Variants in SHC3 observed in about 807,000 individuals in gnomAD.
SHC3 encodes SHC adaptor protein 3.
A neutral mutation model predicts 60.4 loss-of-function variants in SHC3; 15 were observed. The observed-to-expected ratio is 0.25, with a 90% CI of 0.17 to 0.38. The LOEUF is 0.38. SHC3 is among the 10% of genes least tolerant of loss of function. The pLI is 1.00. For missense variants in SHC3, 677 were observed against 786.1 expected, an observed-to-expected ratio of 0.86 and a Z score of 1.66; for synonymous variants, 294 against 325.9, an observed-to-expected ratio of 0.90 and a Z score of 1.05.
chr9:89,062,111 T>C (rs1309435865), intron 6 of SHC3, among the ~76,000 whole-genome samples: 1 of 152,230 alleles, frequency 6.6e-6, no homozygotes, highest in Non-Finnish European at 1.5e-5. Flanking sequence ...AATTTGAGCA[T>C]CATTTGGTAG....
intron 1 of SHC3, among the ~76,000 whole-genome samples, chr9:89,158,613 A>G (rs1232343010): frequency 6.6e-6 from 1 of 152,196 alleles, no homozygotes; most frequent in Non-Finnish European, 1.5e-5. Flanking sequence ...AGTGGTATCA[A>G]TTACTAGATT....
At chr9:89,103,119 A>C (rs994630687) in intron 2 of SHC3, among the ~76,000 whole-genome samples, 1 of 152,236 alleles carries the variant, frequency 6.6e-6, no homozygotes, top group Non-Finnish European at 1.5e-5. Flanking sequence ...ATGAATGCTA[A>C]GAAAGTTTTC....
chr9:89,178,189 C>G lies in SHC3; in HGVS notation c.272G>C (p.Arg91Pro). 1.5e-6 allele frequency: 2 copies of G among 1,343,562 alleles called. No individual in the cohort carries two copies. The highest frequency in any genetic ancestry group is 1.9e-6 in the Non-Finnish European group (2 of 1,048,834). The allele number at this position is 1,343,562 out of a possible 1,614,324, so 83.2% of individuals were successfully genotyped here. A position where few individuals can be genotyped will look rare whatever the true frequency, so the allele number is the denominator to read the frequency against. The change falls in exon 1 of 12, where the codon CGG (arginine) becomes CCG (proline). Residue 91 changes from arginine (R) to proline (P), a missense_variant. Physicochemically the swap from Arg to Pro is moderately radical, Grantham distance 103. Coordinates refer to ENST00000375835, the MANE Select transcript of SHC3 (RefSeq NM_016848.6). The surrounding 1 kb of genome is among the most constrained non-coding windows in gnomAD (Gnocchi z 6.9). ...LRGLSSAARE[R>P]AGARLSGSCS... Reference sequence around the variant, plus strand: ...GCTGCCCGAGAGCCGCGCGCCCGCCCGCTCCCGGGCGGCCGACGACAGGCC... The same window carrying G: ...GCTGCCCGAGAGCCGCGCGCCCGCCGGCTCCCGGGCGGCCGACGACAGGCC...
intron 6 of SHC3, among the ~76,000 whole-genome samples, chr9:89,056,902 T>C (rs1824961481): frequency 1.3e-5 from 2 of 152,240 alleles, no homozygotes; most frequent in African/African-American, 2.4e-5. Context: ...TCGGGATCCA[T>C]GCCCCACTTT....
At chr9:89,146,338 C>T (rs531786730) in intron 1 of SHC3, among the ~76,000 whole-genome samples, 1 of 151,168 alleles carries the variant, frequency 6.6e-6, no homozygotes, top group Admixed American at 6.6e-5. Context: ...GCCTGGGTGA[C>T]GGAGCGAGAC....
intron 1 of SHC3, among the ~76,000 whole-genome samples, chr9:89,122,595 T>C (rs952908555): frequency 1.3e-5 from 2 of 152,232 alleles, no homozygotes; most frequent in Non-Finnish European, 2.9e-5. Flanking sequence ...TTTAAAATGA[T>C]GCAAACTTAG....
chr9:89,155,353 TCAGCCATCTCCAGTC>T (rs765899938), intron 1 of SHC3, among the ~76,000 whole-genome samples: 80 of 152,114 alleles, frequency 5.3e-4, no homozygotes, highest in Non-Finnish European at 5.6e-4. Context: ...GAACAACCAC[TCAGCCATCTCCAGTC>T]TGGTGTGAAT....
At chr9:89,072,578 T>C (rs1825291832) in intron 4 of SHC3, among the ~76,000 whole-genome samples, 3 of 152,220 alleles carry the variant, frequency 2.0e-5, no homozygotes, top group Admixed American at 2.0e-4. Flanking sequence ...ATTAGCTTTA[T>C]AAACTGCAGC....
At chr9:89,106,497 C>CCA (rs763318624) in intron 2 of SHC3, among the ~76,000 whole-genome samples, 16 of 152,196 alleles carry the variant, frequency 1.1e-4, no homozygotes, top group Admixed American at 1.3e-4. Flanking sequence ...CTTTCTCAGC[C>CCA]CACACAGGGC....
At chr9:89,089,119 C>T (rs978574601) in intron 2 of SHC3, among the ~76,000 whole-genome samples, 9 of 152,138 alleles carry the variant, frequency 5.9e-5, no homozygotes, top group Admixed American at 1.3e-4. Flanking sequence ...TTCTGATCAC[C>T]GCACAGAGCC....
At chr9:89,164,031 C>T (rs917132268) in intron 1 of SHC3, among the ~76,000 whole-genome samples, 4 of 152,122 alleles carry the variant, frequency 2.6e-5, no homozygotes, top group Non-Finnish European at 5.9e-5. Flanking sequence ...CCTCCTAACA[C>T]CATCGAATTA....
At chr9:89,045,725 C>T (rs1179309033) in intron 9 of SHC3, 21 bp downstream of exon 9, 2 of 1,611,296 alleles carry the variant, frequency 1.2e-6, no homozygotes, top group South Asian at 1.1e-5. Flanking sequence ...TGTTTCTCAC[C>T]CATCTCACCT....
chr9:89,034,407 G>A (rs1824538379), intron 11 of SHC3, among the ~76,000 whole-genome samples: 1 of 152,216 alleles, frequency 6.6e-6, no homozygotes, highest in African/African-American at 2.4e-5. Context: ...TGCAACCAGT[G>A]CAATCATTCC....
intron 1 of SHC3, among the ~76,000 whole-genome samples, 189 bp downstream of exon 1, chr9:89,177,798 G>A (rs1826963656): frequency 6.6e-6 from 1 of 152,260 alleles, no homozygotes; most frequent in Non-Finnish European, 1.5e-5. Context: ...ATGGATGCGG[G>A]AAAAGCGCAT....
Position 89,010,699 on chromosome 9 carries a change from C to T in SHC3, c.*2748G>A, listed in dbSNP as rs187074700. ...GGAACGCAAGGCCTAATGCCATTCC[C>T]GCTGCGTTCATTGTTCAGCTTCCCT... On this transcript the variant is annotated 3_prime_UTR_variant, in exon 12 of 12. Coordinates refer to ENST00000375835, the MANE Select transcript of SHC3 (RefSeq NM_016848.6). 3.9e-5 allele frequency: 6 copies of T among 152,394 alleles called. No individual in the cohort carries two copies. The East Asian group carries it at 5.8e-4, about 15-fold the overall frequency. 9.4% of individuals were successfully genotyped at this position (152,394 alleles called of 1,614,324 possible). A position where few individuals can be genotyped will look rare whatever the true frequency, so the allele number is the denominator to read the frequency against.
chr9:89,036,325 C>G (rs1020180536), intron 11 of SHC3, among the ~76,000 whole-genome samples: 4 of 152,188 alleles, frequency 2.6e-5, no homozygotes, highest in African/African-American at 9.7e-5. Flanking sequence ...GAGGTATTCC[C>G]TTTCTCCCTA....
intron 2 of SHC3, among the ~76,000 whole-genome samples, chr9:89,111,439 G>C (rs1825945690): frequency 6.6e-6 from 1 of 152,142 alleles, no homozygotes; most frequent in Non-Finnish European, 1.5e-5. Flanking sequence ...CCACAGTGCT[G>C]TCTATTCAAA....
rs189392136 is a variant in SHC3, at chr9:89,074,431, G to A, written c.729+678C>T. Among the ~76,000 whole-genome samples, 716 of 152,178 alleles carry A rather than the reference G, an allele frequency of 4.7e-3. 19 individuals carry two copies. The highest frequency in any genetic ancestry group is 0.041 in the Admixed American group (630 of 15,292). ...TTTGACCTTCAGAAGTGCCTTGTTG[G>A]TAGCTAAAATAGCTACTCAAACACC... On this transcript the variant is annotated intron_variant, in intron 4 of 11. Transcript: ENST00000375835.
chr9:89,123,873 T>C (rs528447178), intron 1 of SHC3, among the ~76,000 whole-genome samples: 2 of 152,292 alleles, frequency 1.3e-5, no homozygotes, highest in Admixed American at 6.5e-5. Context: ...ATGTCATCCA[T>C]GCTAGACCTG....
Sources: allele counts gnomAD v4.1 joint callset (sites outside exome capture counted in the v4.1 genomes callset), GRCh38; gene constraint gnomAD v4.1.1; non-coding constraint Gnocchi (gnomAD v3.1); transcripts MANE v1.5; gene names NCBI Gene and HGNC (gene_info 2026-07-23, HGNC 2026-07-21).